CNTLN: variants seen among roughly 807,000 people sequenced by gnomAD.
CNTLN encodes centlein, centrosomal protein.
Under a neutral mutation model 180.0 loss-of-function variants are expected in CNTLN, and 212 were observed. The observed-to-expected ratio is 1.18, with a 90% CI of 1.05 to 1.32. The LOEUF is 1.32. Among genes scored for constraint, CNTLN ranks in the 40% most tolerant of loss-of-function variants. The probability of loss-of-function intolerance (pLI) is 0.00; values close to 1 mark genes in which losing one functional copy is unlikely to be tolerated. For missense variants in CNTLN, 2,095 were observed against 1,610.9 expected (o/e 1.30, Z -5.14); for synonymous variants, 722 against 563.1 (o/e 1.28, Z -3.99).
chr9:17,421,249 C>T (rs1035963561), intron 18 of CNTLN, among the ~76,000 whole-genome samples: 4 of 152,044 alleles, frequency 2.6e-5, no homozygotes, highest in African/African-American at 4.8e-5. Context: ...CTGAGTACTC[C>T]GGTGCTGGAT....
At chr9:17,399,450 C>G (rs1174078240) in intron 15 of CNTLN, among the ~76,000 whole-genome samples, 1 of 152,172 alleles carries the variant, frequency 6.6e-6, no homozygotes, top group Non-Finnish European at 1.5e-5. Flanking sequence ...GACTTCATGT[C>G]TCTCCCTACT....
intron 10 of CNTLN, among the ~76,000 whole-genome samples, chr9:17,337,267 C>G (rs1821116015): frequency 6.6e-6 from 1 of 152,068 alleles, no homozygotes; most frequent in Non-Finnish European, 1.5e-5. Context: ...GTTGCCTGTT[C>G]ACTCTGATGA....
chr9:17,257,161 G>A (rs1263309257), intron 5 of CNTLN, among the ~76,000 whole-genome samples: 1 of 150,680 alleles, frequency 6.6e-6, no homozygotes, highest in Non-Finnish European at 1.5e-5. Flanking sequence ...AGAGTGTGAT[G>A]TTCCCCTTCC....
In CNTLN at chr9:17,298,190, G is replaced by A; in HGVS notation, c.984G>A (p.Arg328=). The A allele has an allele frequency of 6.7e-7, 1 of 1,490,394 alleles. No homozygotes were observed. Among genetic ancestry groups the A allele is most frequent in the Non-Finnish European group, 8.9e-7 (1 of 1,118,596 alleles). The allele number at this position is 1,490,394 out of a possible 1,614,324, so 92.3% of individuals were successfully genotyped here. A position where few individuals can be genotyped will look rare whatever the true frequency, so the allele number is the denominator to read the frequency against. The change falls in exon 7 of 26, where the codon AGG becomes AGA. Residue 328 remains arginine (R), a splice_region_variant and synonymous_variant. Coordinates refer to ENST00000380647, the MANE Select transcript of CNTLN (RefSeq NM_017738.4). Reference sequence around the variant, plus strand: ...TCTATTTATTGCTTGCTTTGCACAGGAAGGAACTGCAGGAGCTGCAGAATC... The same window carrying A: ...TCTATTTATTGCTTGCTTTGCACAGAAAGGAACTGCAGGAGCTGCAGAATC... The part of the protein sequence containing the change: ...IQKDMDITLV[R]KELQELQNLY...
intron 8 of CNTLN, among the ~76,000 whole-genome samples, chr9:17,321,389 T>A (rs1212485589): frequency 1.3e-5 from 2 of 152,162 alleles, no homozygotes. Flanking sequence ...GACTCTGAGC[T>A]CCTTGAGGGC....
At chr9:17,190,096 T>C (rs10962896) in intron 2 of CNTLN, among the ~76,000 whole-genome samples, 7,141 of 150,612 alleles carry the variant, frequency 0.047, 225 homozygotes, top group South Asian at 0.15. Flanking sequence ...CACAACTTAA[T>C]GAGACCCAGA....
At chr9:17,164,330 A>G (rs1039813950) in intron 2 of CNTLN, among the ~76,000 whole-genome samples, 1 of 148,410 alleles carries the variant, frequency 6.7e-6, no homozygotes, top group East Asian at 2.0e-4. Flanking sequence ...AAAAAAAAAA[A>G]GTTGATCTAT....
intron 16 of CNTLN, among the ~76,000 whole-genome samples, chr9:17,411,763 C>T (rs1827859754): frequency 6.6e-6 from 1 of 152,144 alleles, no homozygotes; most frequent in South Asian, 2.1e-4. Flanking sequence ...ACAGTTTCAT[C>T]CCGAAACCAT....
chr9:17,322,348 T>C (rs1042247682), intron 8 of CNTLN, among the ~76,000 whole-genome samples: 2 of 152,136 alleles, frequency 1.3e-5, no homozygotes, highest in Non-Finnish European at 2.9e-5. Flanking sequence ...CTAAAGGCCA[T>C]TGTGTATTAT....
chr9:17,163,508 A>G (rs1356175642), intron 2 of CNTLN, among the ~76,000 whole-genome samples: 1 of 152,130 alleles, frequency 6.6e-6, no homozygotes, highest in Non-Finnish European at 1.5e-5. Flanking sequence ...AACAGCATTT[A>G]TATTTCATTG....
intron 5 of CNTLN, among the ~76,000 whole-genome samples, chr9:17,240,512 A>G (rs144990415): frequency 1.8e-3 from 277 of 152,300 alleles, no homozygotes; most frequent in African/African-American, 6.4e-3. Context: ...GAAAGAGTGG[A>G]TATCCATGTC....
At chr9:17,271,737 T>G (rs533871382) in intron 5 of CNTLN, among the ~76,000 whole-genome samples, 2 of 152,244 alleles carry the variant, frequency 1.3e-5, no homozygotes, top group Admixed American at 6.5e-5. Context: ...TATCAACAGG[T>G]CCTGTCATTT....
rs570990852 is a variant in CNTLN at position 17,417,338 on chromosome 9, T to G, written c.3114+1149T>G. On this transcript the variant is annotated intron_variant, in intron 18 of 25. Coordinates refer to ENST00000380647, the MANE Select transcript of CNTLN (RefSeq NM_017738.4). ...CTTTTCTTTTCTCCTACGCTTCCTT[T>G]CTTTCTTCTCTAGTTAAATGACATT... 3.3e-5 allele frequency among the ~76,000 whole-genome samples: 5 copies of G among 152,288 alleles called. No homozygotes were observed. The East Asian group carries it at 7.7e-4, about 23-fold the overall frequency.
intron 2 of CNTLN, among the ~76,000 whole-genome samples, chr9:17,173,518 T>C (rs16935390): frequency 0.019 from 2,893 of 152,290 alleles, 57 homozygotes; most frequent in African/African-American, 0.05. Flanking sequence ...TGCTTATCAC[T>C]CTTGAGCTCA....
chr9:17,516,622 T>G, the CNTLN span, among the ~76,000 whole-genome samples: 1 of 152,152 alleles, frequency 6.6e-6, no homozygotes, highest in African/African-American at 2.4e-5. Flanking sequence ...ATAATATGCC[T>G]TTACTTTGGG....
intron 15 of CNTLN, among the ~76,000 whole-genome samples, chr9:17,403,163 T>C (rs1400902533): frequency 1.3e-5 from 2 of 151,806 alleles, no homozygotes; most frequent in South Asian, 2.1e-4. Context: ...TGGATGGACC[T>C]TTTGGAAGAG....
chr9:17,188,361 G>C (rs1179913471), intron 2 of CNTLN, among the ~76,000 whole-genome samples: 1 of 151,996 alleles, frequency 6.6e-6, no homozygotes, highest in South Asian at 2.1e-4. Context: ...CATATTGAAG[G>C]CAAAGCAAAG....
At chr9:17,404,840 C>T (rs187132587) in intron 15 of CNTLN, among the ~76,000 whole-genome samples, 47 of 149,960 alleles carry the variant, frequency 3.1e-4, no homozygotes, top group South Asian at 6.3e-4. Flanking sequence ...TGGGCGCAAA[C>T]GATTCTCCTG....
intron 7 of CNTLN, among the ~76,000 whole-genome samples, chr9:17,306,299 G>A (rs968559097): frequency 6.6e-6 from 1 of 152,008 alleles, no homozygotes; most frequent in African/African-American, 2.4e-5. Flanking sequence ...ACAGGCGTGT[G>A]CCACCATGCC....
Sources: allele counts gnomAD v4.1 joint callset (sites outside exome capture counted in the v4.1 genomes callset), GRCh38; gene constraint gnomAD v4.1.1; transcripts MANE v1.5; gene names NCBI Gene and HGNC (gene_info 2026-07-23, HGNC 2026-07-21).